LCORL: variants seen among roughly 807,000 people sequenced by gnomAD.
LCORL encodes ligand-dependent nuclear receptor corepressor-like protein.
In LCORL, 41 loss-of-function variants were observed where a neutral mutation model predicts 141.8. The observed-to-expected ratio is 0.29, with a 90% CI of 0.23 to 0.38. The LOEUF (loss-of-function observed/expected upper bound fraction) is 0.38. Among genes scored for constraint, LCORL ranks in the 10% least tolerant of loss-of-function variants. LCORL has a pLI of 1.00. For missense variants in LCORL, 1,759 were observed against 2,035.0 expected (o/e 0.86, Z 2.61); for synonymous variants, 618 against 694.1 (o/e 0.89, Z 1.72).
At chr4:17,974,031 G>C (rs1168555008) in intron 1 of LCORL, among the ~76,000 whole-genome samples, 2 of 151,972 alleles carry the variant, frequency 1.3e-5, no homozygotes, top group Non-Finnish European at 2.9e-5. Flanking sequence ...TGGTAAAAAA[G>C]TGAATGAACT....
chr4:17,922,253 T>A (rs1209114316), intron 4 of LCORL, among the ~76,000 whole-genome samples: 1 of 152,052 alleles, frequency 6.6e-6, no homozygotes, highest in Non-Finnish European at 1.5e-5. Flanking sequence ...GGTTTTGGGG[T>A]TTCTGGAATT....
intron 6 of LCORL, chr4:17,883,816 A>T: frequency 6.4e-7 from 1 of 1,550,556 alleles, no homozygotes; most frequent in Non-Finnish European, 8.7e-7. Context: ...TCTTCGGAGG[A>T]GTCTTCAGTG....
At chr4:17,917,709 T>C (rs1577414016) in intron 4 of LCORL, among the ~76,000 whole-genome samples, 1 of 152,170 alleles carries the variant, frequency 6.6e-6, no homozygotes. Flanking sequence ...ACACTTAATG[T>C]TGTGGGTCTC....
At chr4:17,855,552 C>T (rs1057170273) in intron 7 of LCORL, among the ~76,000 whole-genome samples, 9 of 152,122 alleles carry the variant, frequency 5.9e-5, no homozygotes, top group African/African-American at 2.2e-4. Flanking sequence ...CTTTACTCAT[C>T]CTTAAATTTA....
At chr4:17,951,375 T>C (rs1301917842) in intron 4 of LCORL, among the ~76,000 whole-genome samples, 1 of 152,194 alleles carries the variant, frequency 6.6e-6, no homozygotes, top group African/African-American at 2.4e-5. Flanking sequence ...GATTGTTCTT[T>C]AGAGAAAAAC....
chr4:17,923,375 G>C (rs1734598010), intron 4 of LCORL, among the ~76,000 whole-genome samples: 1 of 152,218 alleles, frequency 6.6e-6, no homozygotes, highest in South Asian at 2.1e-4. Context: ...GCCAGGTACA[G>C]TGGCTCATGC....
chr4:17,860,177 CT>C (rs1314621633), intron 7 of LCORL, among the ~76,000 whole-genome samples: 1 of 152,142 alleles, frequency 6.6e-6, no homozygotes, highest in Non-Finnish European at 1.5e-5. Flanking sequence ...AAGAACAAAG[CT>C]GGAGGCATCA....
At chr4:17,875,880 CTGAATT>C (rs975288291) in exon 7 of LCORL, 2 of 1,230,972 alleles carry the variant, frequency 1.6e-6, no homozygotes, top group African/African-American at 3.1e-5. Context: ...TTTTGCATGA[CTGAATT>C]TGTTTAGTTC....
chr4:17,924,839 C>T (rs1734868334), intron 4 of LCORL, among the ~76,000 whole-genome samples: 1 of 151,980 alleles, frequency 6.6e-6, no homozygotes, highest in Non-Finnish European at 1.5e-5. Context: ...ATTACAACTC[C>T]AACTAGATGA....
Position 17,922,018 on chromosome 4 carries a change from G to A in LCORL, c.431-12673C>T, listed in dbSNP as rs540976613. On this transcript the variant is annotated intron_variant, in intron 4 of 7. Coordinates refer to ENST00000635767, the Ensembl canonical transcript of LCORL. ...CCACAGACTGAAGGCTGCACTGTCG[G>A]CTTCCCTACTTTTGAGGTTTTGGGA... Among the ~76,000 whole-genome samples, 22 of 152,256 alleles carry A rather than the reference G, an allele frequency of 1.4e-4. 1 individual carries two copies. The South Asian group carries it at 4.2e-3, about 29-fold the overall frequency.
intron 4 of LCORL, among the ~76,000 whole-genome samples, chr4:17,955,034 T>C (rs10446667): frequency 0.13 from 19,247 of 152,124 alleles, 1,352 homozygotes; most frequent in South Asian, 0.26. Flanking sequence ...ATTAAACCCA[T>C]AGGACTGAGT....
At position 18,009,382 on chromosome 4, in the gene LCORL, T is replaced by A. The variant is rs142957361; in HGVS notation, c.154+12216A>T. 2.2e-3 allele frequency among the ~76,000 whole-genome samples: 329 copies of A among 151,244 alleles called. 2 individuals carry two copies. The Middle Eastern group carries it at 0.031, about 14-fold the overall frequency. On this transcript the variant is annotated intron_variant, in intron 1 of 7. Transcript: ENST00000635767. Reference sequence around the variant, plus strand: ...TTGGCCCCAAAATCCCTACCCCATGTATATAATCTCCTTACCCTGTTCAGG... The same window carrying A: ...TTGGCCCCAAAATCCCTACCCCATGAATATAATCTCCTTACCCTGTTCAGG...
At chr4:17,865,159 T>C (rs377712936) in intron 7 of LCORL, among the ~76,000 whole-genome samples, 213 of 152,302 alleles carry the variant, frequency 1.4e-3, no homozygotes, top group African/African-American at 4.9e-3. Flanking sequence ...TTAACTGACA[T>C]TTATAGAACA....
rs112602851 is a variant in LCORL, at chr4:17,930,715, G to A, written c.431-21370C>T. Among the ~76,000 whole-genome samples the A allele has an allele frequency of 5.0e-3, 766 of 152,176 alleles. 3 individuals carry two copies. The highest frequency in any genetic ancestry group is 0.017 in the African/African-American group (724 of 41,532). On this transcript the variant is annotated intron_variant, in intron 4 of 7. Coordinates refer to ENST00000635767, the Ensembl canonical transcript of LCORL. The stretch of plus-strand genomic sequence containing the variant: ...GTTTGACGCTTTTGTATTGACATAC[G>A]TGAGATTGTTCTGTAGTGGTATGTA...
In LCORL at chr4:17,972,895, TAG is replaced by T. The variant is rs762480311; in HGVS notation, c.155-12_155-11del. ...AAAATACTCTCAAAACCTGTGTTTT[TAG>T]AGAGAGAAAAGTATATTAACTACTA... On this transcript the variant is annotated splice_polypyrimidine_tract_variant and intron_variant, in intron 1 of 7. Coordinates refer to ENST00000635767, the Ensembl canonical transcript of LCORL. 3 of 1,353,162 alleles carry T rather than the reference TAG, an allele frequency of 2.2e-6. No homozygotes were observed. Among genetic ancestry groups the T allele is most frequent in the South Asian group, 1.9e-5 (1 of 53,124 alleles). 83.8% of individuals were successfully genotyped at this position (1,353,162 alleles called of 1,614,324 possible).
chr4:18,017,901 TGAA>T (rs1235364210), intron 1 of LCORL, among the ~76,000 whole-genome samples: 1 of 152,104 alleles, frequency 6.6e-6, no homozygotes, highest in African/African-American at 2.4e-5. Flanking sequence ...AAATATACAC[TGAA>T]GAATTTAGGG....
chr4:17,864,229 G>A (rs1725352047), intron 7 of LCORL, among the ~76,000 whole-genome samples: 1 of 152,046 alleles, frequency 6.6e-6, no homozygotes, highest in Admixed American at 6.6e-5. Flanking sequence ...CCCTATAGAA[G>A]CCACTTTTTT....
intron 6 of LCORL, among the ~76,000 whole-genome samples, chr4:17,878,800 T>A (rs1043438970): frequency 1.3e-5 from 2 of 151,328 alleles, no homozygotes; most frequent in African/African-American, 4.8e-5. Context: ...TTAATTGATG[T>A]TAAATACTAA....
intron 1 of LCORL, among the ~76,000 whole-genome samples, chr4:17,994,477 A>G (rs1483508830): frequency 6.6e-6 from 1 of 152,134 alleles, no homozygotes; most frequent in African/African-American, 2.4e-5. Flanking sequence ...ACTCCTACTC[A>G]TTCTTAAAAA....
Sources: allele counts gnomAD v4.1 joint callset (sites outside exome capture counted in the v4.1 genomes callset), GRCh38; gene constraint gnomAD v4.1.1; transcripts MANE v1.5; gene names NCBI Gene and HGNC (gene_info 2026-07-23, HGNC 2026-07-21).